Variants in SERGEF observed in about 807,000 individuals in gnomAD.
SERGEF encodes secretion-regulating guanine nucleotide exchange factor.
A neutral mutation model predicts 50.0 loss-of-function variants in SERGEF; 51 were observed. The ratio of observed to expected loss-of-function variants is 1.02; its 90% CI spans 0.81 to 1.29. The LOEUF (loss-of-function observed/expected upper bound fraction) is 1.29, where lower values mean the gene tolerates loss of function less well. Among genes scored for constraint, SERGEF ranks in the 50% most tolerant of loss-of-function variants. SERGEF has a pLI of 0.00. For missense variants in SERGEF, 521 were observed against 557.0 expected (o/e 0.94, Z 0.65); for synonymous variants, 205 against 212.4 (o/e 0.97, Z 0.30).
intron 4 of SERGEF, chr11:18,000,775 AACAACTCTC>A: frequency 3.0e-6 from 2 of 674,430 alleles, no homozygotes; most frequent in Non-Finnish European, 5.5e-6. Context: ...ACCATATGAC[AACAACTCTC>A]AGGGCTGGGA....
intron 9 of SERGEF, among the ~76,000 whole-genome samples, chr11:17,934,609 T>C (rs1242384237): frequency 6.6e-6 from 1 of 152,170 alleles, no homozygotes; most frequent in Non-Finnish European, 1.5e-5. Context: ...AAAAACTTTA[T>C]AAAGACCCCC....
intron 10 of SERGEF, chr11:17,855,274 G>A (rs1249006623): frequency 6.6e-6 from 1 of 152,110 alleles, no homozygotes; most frequent in Admixed American, 6.5e-5. Flanking sequence ...CTTGGAGGGC[G>A]AGTAAATTAC....
In SERGEF at chr11:18,007,952, G is replaced by A. The variant is rs745710088; in HGVS notation, c.185C>T (p.Ala62Val). ...TTGAAGGAAATTACCTGTGACAACT[G>A]CAGAGTGGCCCCCTCCTCCTGTGAT... ...RRITGGGGHS[A>V]VVTDGGDLFV... The change falls in exon 2 of 11, where the codon GCA becomes GTA. Residue 62 changes from alanine (A) to valine (V), a missense_variant. Physicochemically the swap from Ala to Val is moderately conservative, Grantham distance 64 (BLOSUM62 0). Coordinates refer to ENST00000265965, the MANE Select transcript of SERGEF (RefSeq NM_012139.4). 10 of 1,613,166 alleles carry A rather than the reference G, an allele frequency of 6.2e-6. No homozygotes were observed. In the South Asian group the frequency reaches 1.1e-4, roughly 18 times the overall value.
At chr11:17,937,850 G>A (rs1352556191) in intron 9 of SERGEF, among the ~76,000 whole-genome samples, 1 of 152,086 alleles carries the variant, frequency 6.6e-6, no homozygotes, top group Non-Finnish European at 1.5e-5. Context: ...TTAGAGACCT[G>A]GAATTCTACA....
At chr11:17,905,758 T>C (rs1186974653) in intron 9 of SERGEF, among the ~76,000 whole-genome samples, 2 of 152,280 alleles carry the variant, frequency 1.3e-5, no homozygotes, top group East Asian at 3.9e-4. Context: ...AGCACTAGAC[T>C]GGCCTATGCT....
chr11:17,961,643 T>C (rs1358689384), intron 8 of SERGEF, among the ~76,000 whole-genome samples: 1 of 152,206 alleles, frequency 6.6e-6, no homozygotes, highest in Non-Finnish European at 1.5e-5. Flanking sequence ...AATTCAGCCA[T>C]TCCACTTACA....
At chr11:17,854,121 C>G (rs1019177100) in intron 10 of SERGEF, 1 of 151,040 alleles carries the variant, frequency 6.6e-6, no homozygotes, top group Non-Finnish European at 1.5e-5. Context: ...ACTTACATAA[C>G]ATTATTAAAG....
intron 9 of SERGEF, among the ~76,000 whole-genome samples, chr11:17,956,203 T>A (rs936610395): frequency 1.3e-5 from 2 of 152,162 alleles, no homozygotes; most frequent in African/African-American, 4.8e-5. Flanking sequence ...GAGACATGGC[T>A]CAGAAGAAAA....
At chr11:17,890,543 GCAATCTC>G (rs1851513420) in intron 9 of SERGEF, among the ~76,000 whole-genome samples, 1 of 152,064 alleles carries the variant, frequency 6.6e-6, no homozygotes, top group African/African-American at 2.4e-5. Flanking sequence ...GCTGTGAGCA[GCAATCTC>G]CAATGATACA....
At chr11:17,894,909 G>A (rs1319718840) in intron 9 of SERGEF, among the ~76,000 whole-genome samples, 2 of 152,184 alleles carry the variant, frequency 1.3e-5, no homozygotes, top group Non-Finnish European at 2.9e-5. Context: ...GATCCCACAA[G>A]GCCTAGGGAA....
chr11:17,882,432 A>G lies in SERGEF; in HGVS notation c.1012-4188T>C, dbSNP rs544781636. 7.0e-4 allele frequency among the ~76,000 whole-genome samples: 100 copies of G among 143,872 alleles called. 3 individuals are homozygous for G. The Middle Eastern group carries it at 0.018, about 25-fold the overall frequency. The allele number at this position is 143,872 out of a possible 152,430, so 94.4% of individuals were successfully genotyped here. A position where few individuals can be genotyped will look rare whatever the true frequency, so the allele number is the denominator to read the frequency against. ...AGAGTCAGTCTCAAAAAAAAAAAAAAAAAAGAAAAAAAAAGACTGTTCAAA... is the reference window on the plus strand; with the variant it reads ...AGAGTCAGTCTCAAAAAAAAAAAAAGAAAAGAAAAAAAAAGACTGTTCAAA... On this transcript the variant is annotated intron_variant, in intron 9 of 10. Coordinates refer to ENST00000265965, the MANE Select transcript of SERGEF (RefSeq NM_012139.4).
intron 9 of SERGEF, among the ~76,000 whole-genome samples, chr11:17,894,808 T>C (rs957861834): frequency 6.6e-6 from 1 of 152,180 alleles, no homozygotes; most frequent in Non-Finnish European, 1.5e-5. Context: ...ACTCTGTAAG[T>C]AATGGCTGAA....
chr11:17,974,120 G>A (rs1449878722), intron 8 of SERGEF, among the ~76,000 whole-genome samples: 1 of 152,040 alleles, frequency 6.6e-6, no homozygotes, highest in Non-Finnish European at 1.5e-5. Flanking sequence ...GGGTTGCCAG[G>A]GCAGACCCAG....
At chr11:17,858,801 C>T (rs2133880397) in intron 10 of SERGEF, among the ~76,000 whole-genome samples, 1 of 152,056 alleles carries the variant, frequency 6.6e-6, no homozygotes, top group East Asian at 1.9e-4. Context: ...ACCTCTAAGC[C>T]TGAAGAAGTA....
rs532375135 is a variant in SERGEF at position 17,993,649 on chromosome 11, CT to C, written c.623-657del. Among the ~76,000 whole-genome samples the C allele has an allele frequency of 3.3e-3, 503 of 152,152 alleles. 3 individuals carry two copies. The highest frequency in any genetic ancestry group is 0.012 in the African/African-American group (491 of 41,496). ...AGATAGACGCAGACTTATTCTGTAA[CT>C]TTTTTTTCTGACACTTCTTTTTAAT... On this transcript the variant is annotated intron_variant, in intron 6 of 10. Transcript: ENST00000265965.
Position 18,000,484 on chromosome 11 carries a change from A to G in SERGEF, c.508+13T>C, listed in dbSNP as rs1243849486. On this transcript the variant is annotated intron_variant, in intron 5 of 10. Coordinates refer to ENST00000265965, the MANE Select transcript of SERGEF (RefSeq NM_012139.4). ...TAAAAATAAAAATAAAAAAATAAAG[A>G]TAAGATGATCACCTGTAGCAGCTAC... 1 of 1,542,714 alleles carries G rather than the reference A, an allele frequency of 6.5e-7. No homozygotes were observed. Among genetic ancestry groups the G allele is most frequent in the Non-Finnish European group, 8.8e-7 (1 of 1,140,658 alleles).
chr11:17,864,193 T>C (rs896077442), intron 10 of SERGEF, among the ~76,000 whole-genome samples: 1 of 152,218 alleles, frequency 6.6e-6, no homozygotes, highest in African/African-American at 2.4e-5. Flanking sequence ...GGGTCACAAA[T>C]GCAGTTTCTA....
chr11:17,842,509 T>C (rs1439622676), intron 10 of SERGEF, among the ~76,000 whole-genome samples: 1 of 152,204 alleles, frequency 6.6e-6, no homozygotes, highest in Non-Finnish European at 1.5e-5. Flanking sequence ...GTTAATCCTT[T>C]CAGTACTATG....
At chr11:17,814,448 T>C (rs1849928806) in intron 10 of SERGEF, among the ~76,000 whole-genome samples, 1 of 152,214 alleles carries the variant, frequency 6.6e-6, no homozygotes, top group African/African-American at 2.4e-5. Context: ...GTGAGCCAAT[T>C]CCTTCAAATC....
Sources: gnomAD v4.1 joint callset for allele counts (sites outside exome capture counted in the v4.1 genomes callset) on GRCh38, gnomAD v4.1.1 for gene constraint, MANE v1.5 for transcripts, NCBI Gene and HGNC (gene_info 2026-07-23, HGNC 2026-07-21) for gene names.